ADAMTS2: variants seen among roughly 807,000 people sequenced by gnomAD.
The protein encoded by ADAMTS2 is A disintegrin and metalloproteinase with thrombospondin motifs 2.
Under a neutral mutation model 123.0 loss-of-function variants are expected in ADAMTS2, and 50 were observed. The ratio of observed to expected loss-of-function variants is 0.41; its 90% CI spans 0.32 to 0.51. The LOEUF is 0.51. Ranked by LOEUF, ADAMTS2 falls within the 20% of genes least tolerant of loss-of-function variation. The probability of loss-of-function intolerance (pLI) is 0.35; values close to 1 mark genes in which losing one functional copy is unlikely to be tolerated. For synonymous variants in ADAMTS2, 678 were observed against 695.4 expected (o/e 0.98, Z 0.39); for missense variants, 1,494 against 1,705.2 (o/e 0.88, Z 2.18).
Position 179,337,105 on chromosome 5 carries a change from G to A in ADAMTS2, c.534+6662C>T, listed in dbSNP as rs545708204. Among the ~76,000 whole-genome samples, 101 of 152,290 alleles carry A rather than the reference G, an allele frequency of 6.6e-4. 2 individuals are homozygous for A. Among genetic ancestry groups the A allele is most frequent in the East Asian group, 3.1e-3 (16 of 5,180 alleles). Reference sequence around the variant, plus strand: ...TATTAATGGCAGCACCGCAGACCCTGTGGACAGCTGATATTTAATATGAAA... The same window carrying A: ...TATTAATGGCAGCACCGCAGACCCTATGGACAGCTGATATTTAATATGAAA... On this transcript the variant is annotated intron_variant, in intron 2 of 21. Transcript: ENST00000251582.
intron 4 of ADAMTS2, among the ~76,000 whole-genome samples, chr5:179,190,891 T>C (rs1371782953): frequency 2.0e-5 from 3 of 152,260 alleles, no homozygotes; most frequent in Non-Finnish European, 2.9e-5. Context: ...AGCTTGCACA[T>C]GCCCCTGTGT....
At chr5:179,146,534 G>A (rs1446353253) in intron 10 of ADAMTS2, among the ~76,000 whole-genome samples, 2 of 152,148 alleles carry the variant, frequency 1.3e-5, no homozygotes, top group Admixed American at 6.5e-5. Context: ...CGTCTTTGAT[G>A]TTGTCAACAT....
At chr5:179,135,810 C>T (rs1056297032) in intron 13 of ADAMTS2, 99 bp downstream of exon 13, 8 of 1,549,880 alleles carry the variant, frequency 5.2e-6, no homozygotes, top group Non-Finnish European at 7.0e-6. Context: ...GTATGCTTCA[C>T]CTCATGCATC....
rs111645573 is a variant in ADAMTS2 at position 179,272,577 on chromosome 5, C to A, written c.688+334G>T. On this transcript the variant is annotated intron_variant, in intron 3 of 21. Transcript: ENST00000251582. This position sits in a 1 kb window ranked among gnomAD's most constrained non-coding sequence, Gnocchi z 5.8. ...ACTCAGGCCTGGCCGGGGGCCCCCG[C>A]CCCGCTCCACGACACTTGCTTGCCT... Among the ~76,000 whole-genome samples the A allele has an allele frequency of 0.038, 5,774 of 152,148 alleles. 340 individuals carry two copies. Among genetic ancestry groups the A allele is most frequent in the African/African-American group, 0.13 (5,380 of 41,502 alleles).
At chr5:179,331,267 G>A (rs536534386) in intron 2 of ADAMTS2, among the ~76,000 whole-genome samples, 26 of 145,950 alleles carry the variant, frequency 1.8e-4, no homozygotes, top group African/African-American at 6.1e-4. Context: ...AGGGAGGGGA[G>A]AGGACATAAA....
At position 179,125,113 on chromosome 5, in the gene ADAMTS2, C is replaced by T. The variant is rs367796431; in HGVS notation, c.2818G>A (p.Val940Met). The T allele has an allele frequency of 2.1e-4, 334 of 1,612,876 alleles. No individual in the cohort carries two copies. The highest frequency in any genetic ancestry group is 2.6e-4 in the Non-Finnish European group (312 of 1,179,924). The change falls in exon 19 of 22, where the codon GTG becomes ATG. Residue 940 changes from valine to methionine, a missense_variant. This residue lies in a region of ADAMTS2 where 953 missense variants were observed against 1,124.7 expected (regional missense o/e 0.85). Transcript: ENST00000251582. ...TCGTGTAGCGGCTGAATGCAGCGCA[C>T]GGAGCGCACCTGCATGCCTGTCCGC... ...CGRTGMQVRS[V>M]RCIQPLHDNT...
intron 2 of ADAMTS2, among the ~76,000 whole-genome samples, chr5:179,280,208 G>A (rs895277280): frequency 5.3e-5 from 8 of 152,162 alleles, no homozygotes; most frequent in Non-Finnish European, 1.0e-4. Context: ...TAAGCTGGCC[G>A]GAGCCAATTT....
At chr5:179,160,445 C>T (rs556329949) in intron 5 of ADAMTS2, among the ~76,000 whole-genome samples, 5 of 152,200 alleles carry the variant, frequency 3.3e-5, no homozygotes, top group Admixed American at 6.5e-5. Context: ...AGTGAGACTC[C>T]GTCTCAAAAC....
rs891063870 is a variant in ADAMTS2, at chr5:179,130,438, C to A, written c.2291-340G>T. Among the ~76,000 whole-genome samples, 7 of 152,382 alleles carry A rather than the reference C, an allele frequency of 4.6e-5. No individual in the cohort carries two copies. In the South Asian group the frequency reaches 1.0e-3, roughly 23 times the overall value. On this transcript the variant is annotated intron_variant, in intron 15 of 21. Transcript: ENST00000251582. The surrounding 1 kb of genome is among the most constrained non-coding windows in gnomAD (Gnocchi z 4.3). The stretch of plus-strand genomic sequence containing the variant: ...GTGGGCGCTTAGAGGCCACCCGGGG[C>A]AGGATGGCTGGGAGGGGTCTGTACG...
At chr5:179,213,286 C>T (rs1170445520) in intron 3 of ADAMTS2, among the ~76,000 whole-genome samples, 3 of 152,228 alleles carry the variant, frequency 2.0e-5, no homozygotes, top group African/African-American at 7.2e-5. Context: ...CCTGATTTCT[C>T]CCGACAGCAC....
chr5:179,187,157 C>G lies in ADAMTS2; in HGVS notation c.892-6002G>C, dbSNP rs545225789. ...ACTCTCCCTGTGCAGCCCCTCAATT[C>G]TTTAGATATCTCAGGAGCATTTGAA... is the stretch of plus-strand genomic sequence containing the variant. On this transcript the variant is annotated intron_variant, in intron 4 of 21. Transcript: ENST00000251582. Among the ~76,000 whole-genome samples, 15 of 152,250 alleles carry G rather than the reference C, an allele frequency of 9.9e-5. No individual in the cohort carries two copies. The South Asian group carries it at 3.1e-3, about 32-fold the overall frequency.
At chr5:179,267,372 C>T (rs1250507532) in intron 3 of ADAMTS2, among the ~76,000 whole-genome samples, 1 of 152,222 alleles carries the variant, frequency 6.6e-6, no homozygotes, top group Non-Finnish European at 1.5e-5. Flanking sequence ...CCCGTGGTGG[C>T]GTGCCTCGTC....
chr5:179,123,959 G>T (rs1175467815), intron 19 of ADAMTS2, among the ~76,000 whole-genome samples: 1 of 152,228 alleles, frequency 6.6e-6, no homozygotes, highest in Non-Finnish European at 1.5e-5. Flanking sequence ...CCAGGCTCTG[G>T]TGGGCTCCCC....
chr5:179,343,424 G>A lies in ADAMTS2; in HGVS notation c.534+343C>T, dbSNP rs571952512. On this transcript the variant is annotated intron_variant, in intron 2 of 21. Coordinates refer to ENST00000251582, the MANE Select transcript of ADAMTS2 (RefSeq NM_014244.5). ...CACACCAACGTTCCACAACACATGT[G>A]CACACACTCACAAAGGTACACACAC... is the stretch of plus-strand genomic sequence containing the variant. Among the ~76,000 whole-genome samples, 36 of 152,332 alleles carry A rather than the reference G, an allele frequency of 2.4e-4. 1 individual carries two copies. The South Asian group carries it at 7.0e-3, about 30-fold the overall frequency.
Position 179,132,640 on chromosome 5 carries a change from A to G in ADAMTS2, c.2209+137T>C. ...CGACTTAGGATTCTCCCTCCCCCTCAGTGTCACAGACCTCTCCCCCTCCCC... is the reference window on the plus strand; with the variant it reads ...CGACTTAGGATTCTCCCTCCCCCTCGGTGTCACAGACCTCTCCCCCTCCCC... On this transcript the variant is annotated intron_variant, in intron 14 of 21. Coordinates refer to ENST00000251582, the MANE Select transcript of ADAMTS2 (RefSeq NM_014244.5). This position sits in a 1 kb window ranked among gnomAD's most constrained non-coding sequence, Gnocchi z 6.1. 9.7e-7 allele frequency: 1 copy of G among 1,030,070 alleles called. No individual in the cohort carries two copies. Among genetic ancestry groups the G allele is most frequent in the South Asian group, 1.4e-5 (1 of 71,608 alleles). The allele number at this position is 1,030,070 out of a possible 1,614,324, so 63.8% of individuals were successfully genotyped here.
chr5:179,230,405 G>GGGT (rs1765381665), intron 3 of ADAMTS2, among the ~76,000 whole-genome samples: 2 of 152,052 alleles, frequency 1.3e-5, no homozygotes, highest in Non-Finnish European at 1.5e-5. Context: ...CAGGTCTGGT[G>GGGT]GTCACTTATG....
chr5:179,268,415 C>A (rs1393886426), intron 3 of ADAMTS2, among the ~76,000 whole-genome samples: 1 of 152,234 alleles, frequency 6.6e-6, no homozygotes, highest in Non-Finnish European at 1.5e-5. Context: ...GCCCTGCAGG[C>A]TCTGAGTTTG....
intron 2 of ADAMTS2, among the ~76,000 whole-genome samples, chr5:179,287,241 C>G (rs910849869): frequency 1.3e-5 from 2 of 152,220 alleles, no homozygotes; most frequent in Non-Finnish European, 2.9e-5. Context: ...GCTGCCACTC[C>G]AGGGAAGTAG....
At chr5:179,141,006 G>T (rs1213425919) in intron 10 of ADAMTS2, among the ~76,000 whole-genome samples, 1 of 151,488 alleles carries the variant, frequency 6.6e-6, no homozygotes, top group Admixed American at 6.6e-5. Context: ...GTAGACACAG[G>T]GTTTTGCCAT....
Sources: allele counts gnomAD v4.1 joint callset (sites outside exome capture counted in the v4.1 genomes callset), GRCh38; gene constraint gnomAD v4.1.1; regional missense constraint gnomAD v4.1.1; non-coding constraint Gnocchi (gnomAD v3.1); transcripts MANE v1.5; gene names NCBI Gene and HGNC (gene_info 2026-07-23, HGNC 2026-07-21).